The following B4GALNT2 variants were observed in gnomAD, a reference collection of about 807,000 sequenced individuals.
B4GALNT2 encodes the protein beta-1,4-N-acetyl-galactosaminyltransferase 2 (SID blood group), also known as N-acetylneuraminylgalactosylglucosyl-glucoside beta-1,4-N- acetylgalactosaminyltransferase 2.
Under a neutral mutation model 51.1 loss-of-function variants are expected in B4GALNT2, and 42 were observed. The ratio of observed to expected loss-of-function variants is 0.82; its 90% CI spans 0.64 to 1.06. The LOEUF is 1.06. Ranked by LOEUF, B4GALNT2 falls within the 50% of genes least tolerant of loss-of-function variation. The pLI is 0.00. For missense variants in B4GALNT2, 602 were observed against 633.6 expected (o/e 0.95, Z 0.54); for synonymous variants, 253 against 251.7 (o/e 1.01, Z -0.05).
chr17:49,131,442 G>A (rs936015050), upstream of B4GALNT2, among the ~76,000 whole-genome samples: 4 of 120,890 alleles, frequency 3.3e-5, no homozygotes, highest in African/African-American at 1.3e-4. Context: ...TCTTTTCCAA[G>A]ACTCACTTTC....
chr17:49,164,027 A>G (rs1167802930), intron 7 of B4GALNT2, 61 bp from the exon 8 acceptor site: 2 of 1,496,624 alleles, frequency 1.3e-6, no homozygotes, highest in Admixed American at 3.7e-5. Flanking sequence ...AGATCAAAGC[A>G]GGAAAAGACA....
At chr17:49,133,348 G>T in intron 1 of B4GALNT2, 1 of 1,061,742 alleles carries the variant, frequency 9.4e-7, no homozygotes, top group Non-Finnish European at 1.3e-6. Context: ...CCACCGCAGG[G>T]CAGAGTGAGC....
At position 49,164,223 on chromosome 17, in the gene B4GALNT2, C is replaced by T; in HGVS notation, c.902C>T (p.Pro301Leu). ...ATAGTGGCTGATGACAGCCAGAAGC[C>T]CCTGGAAATTAAAGACAATCACGTG... ...TVIVADDSQKPLEIKDNHVEY... is the reference protein window; with the variant it reads ...TVIVADDSQKLLEIKDNHVEY... The change falls in exon 8 of 11, where the codon CCC becomes CTC. Residue 301 changes from proline (P) to leucine (L), a missense_variant. Transcript: ENST00000393354. The T allele has an allele frequency of 1.2e-6, 2 of 1,613,526 alleles. No individual in the cohort carries two copies. The highest frequency in any genetic ancestry group is 1.3e-5 in the African/African-American group (1 of 74,990).
At position 49,159,234 on chromosome 17, in the gene B4GALNT2, G is replaced by A; in HGVS notation, c.679+17G>A. 4 of 1,612,594 alleles carry A rather than the reference G, an allele frequency of 2.5e-6. No homozygotes were observed. The highest frequency in any genetic ancestry group is 3.4e-6 in the Non-Finnish European group (4 of 1,179,144). On this transcript the variant is annotated intron_variant, in intron 6 of 10. Transcript: ENST00000393354. ...TAGACATAGGTGAGAGCCTGTCCTTGGAGTGCAAAATGCTTAGGGATCCAG... is the reference window on the plus strand; with the variant it reads ...TAGACATAGGTGAGAGCCTGTCCTTAGAGTGCAAAATGCTTAGGGATCCAG...
rs1018636386 is a variant in B4GALNT2 at position 49,174,102 on chromosome 17, A to C, written c.*4374A>C. The C allele has an allele frequency of 2.0e-5, 3 of 152,328 alleles. No homozygotes were observed. Among genetic ancestry groups the C allele is most frequent in the Admixed American group, 6.5e-5 (1 of 15,292 alleles). The allele number at this position is 152,328 out of a possible 1,614,324, so 9.4% of individuals were successfully genotyped here. ...GCACAATGATAGTGTCATTTACTGA[A>C]GTCTCCAAGTAGGAGTAAGGAGTAG... On this transcript the variant is annotated 3_prime_UTR_variant, in exon 11 of 11. Coordinates refer to ENST00000393354, the MANE Select transcript of B4GALNT2 (RefSeq NM_001159387.2).
intron 3 of B4GALNT2, among the ~76,000 whole-genome samples, chr17:49,147,941 C>T (rs1284695641): frequency 6.8e-6 from 1 of 147,490 alleles, no homozygotes; most frequent in East Asian, 2.0e-4. Context: ...AAACAAATCA[C>T]TCTGAAATTT....
At chr17:49,140,885 A>C (rs1001306884) in intron 1 of B4GALNT2, among the ~76,000 whole-genome samples, 9 of 151,704 alleles carry the variant, frequency 5.9e-5, no homozygotes, top group African/African-American at 2.2e-4. Context: ...TGCCCAGCTA[A>C]TTTTTGTATT....
chr17:49,134,524 C>T (rs1300416417), intron 1 of B4GALNT2, among the ~76,000 whole-genome samples: 1 of 152,240 alleles, frequency 6.6e-6, no homozygotes, highest in Non-Finnish European at 1.5e-5. Context: ...TCCACCTCAG[C>T]CTCCCGAATA....
chr17:49,137,235 T>A (rs532782486), intron 1 of B4GALNT2, among the ~76,000 whole-genome samples: 2 of 152,260 alleles, frequency 1.3e-5, no homozygotes, highest in South Asian at 2.1e-4. Flanking sequence ...CCCCTCAGAG[T>A]TCATGTGTTG....
chr17:49,150,436 T>C (rs2042741699), intron 3 of B4GALNT2, among the ~76,000 whole-genome samples: 1 of 152,074 alleles, frequency 6.6e-6, no homozygotes, highest in Non-Finnish European at 1.5e-5. Flanking sequence ...CAACAGCTCA[T>C]TGAGAACGGG....
chr17:49,151,956 A>G (rs2042760887), intron 3 of B4GALNT2, among the ~76,000 whole-genome samples: 1 of 152,192 alleles, frequency 6.6e-6, no homozygotes, highest in Non-Finnish European at 1.5e-5. Flanking sequence ...GATGATTGTC[A>G]ATCGCTTTTA....
upstream of B4GALNT2, among the ~76,000 whole-genome samples, chr17:49,131,307 A>T (rs6504597): frequency 6.6e-6 from 1 of 151,690 alleles, no homozygotes; most frequent in Non-Finnish European, 1.5e-5. Flanking sequence ...ATAGTTATCT[A>T]CATTTGTTAC....
upstream of B4GALNT2, among the ~76,000 whole-genome samples, chr17:49,128,881 G>A (rs915414089): frequency 6.6e-5 from 10 of 152,080 alleles, no homozygotes; most frequent in African/African-American, 1.2e-4. Context: ...GGAAGCCAAG[G>A]GTGTCTGTTT....
intron 5 of B4GALNT2, among the ~76,000 whole-genome samples, chr17:49,157,363 TAG>T (rs577987521): frequency 0.16 from 23,460 of 151,040 alleles, 2,112 homozygotes; most frequent in South Asian, 0.31. Context: ...CTCTGTCACC[TAG>T]CCTGGAGTGC....
chr17:49,138,605 T>C (rs1393301555), intron 1 of B4GALNT2, among the ~76,000 whole-genome samples: 1 of 152,118 alleles, frequency 6.6e-6, no homozygotes, highest in Admixed American at 6.6e-5. Flanking sequence ...CAGCCAGCCT[T>C]GGTGGCTCAT....
At chr17:49,158,404 A>C (rs528518019) in intron 5 of B4GALNT2, among the ~76,000 whole-genome samples, 1 of 152,244 alleles carries the variant, frequency 6.6e-6, no homozygotes, top group African/African-American at 2.4e-5. Context: ...GTGGAGTAAG[A>C]AGGGAAAAGA....
intron 1 of B4GALNT2, among the ~76,000 whole-genome samples, chr17:49,134,896 C>T (rs578042462): frequency 3.3e-5 from 5 of 151,972 alleles, no homozygotes; most frequent in Non-Finnish European, 7.4e-5. Context: ...CAGCCTGATA[C>T]TATATATTAT....
chr17:49,160,842 G>A (rs993277301), intron 7 of B4GALNT2, among the ~76,000 whole-genome samples: 11 of 152,130 alleles, frequency 7.2e-5, no homozygotes, highest in African/African-American at 2.7e-4. Context: ...TTATTATGTG[G>A]TTGTGTGCTA....
upstream of B4GALNT2, among the ~76,000 whole-genome samples, chr17:49,129,617 G>A (rs968331687): frequency 4.1e-5 from 4 of 98,622 alleles, no homozygotes; most frequent in East Asian, 4.1e-4. Context: ...GCTTCTGGCC[G>A]ATTTTTTGGT....
Sources: allele counts gnomAD v4.1 joint callset (sites outside exome capture counted in the v4.1 genomes callset), GRCh38; gene constraint gnomAD v4.1.1; transcripts MANE v1.5; gene names NCBI Gene and HGNC (gene_info 2026-07-23, HGNC 2026-07-21).